Variants in PRKACA observed in about 807,000 individuals in gnomAD.
PRKACA encodes protein kinase cAMP-activated catalytic subunit alpha.
PRKACA carries 9 observed loss-of-function variants against 45.8 expected under a neutral mutation model. The ratio of observed to expected loss-of-function variants is 0.20; its 90% CI spans 0.12 to 0.34. The LOEUF (loss-of-function observed/expected upper bound fraction) is 0.34. Ranked by LOEUF, PRKACA falls within the 10% of genes least tolerant of loss-of-function variation. The probability of loss-of-function intolerance (pLI) is 1.00; values close to 1 mark genes in which losing one functional copy is unlikely to be tolerated. For missense variants in PRKACA, 238 were observed against 458.6 expected (o/e 0.52, Z 4.39); for synonymous variants, 160 against 178.6 (o/e 0.90, Z 0.83).
chr19:14,116,516 CTT>C (rs1967108667), intron 1 of PRKACA, among the ~76,000 whole-genome samples: 1 of 152,116 alleles, frequency 6.6e-6, no homozygotes, highest in African/African-American at 2.4e-5. Flanking sequence ...AACCCAGACA[CTT>C]TTCATCCCAA....
intron 8 of PRKACA, among the ~76,000 whole-genome samples, chr19:14,095,827 C>G (rs1262060830): frequency 2.0e-5 from 3 of 151,006 alleles, no homozygotes; most frequent in Non-Finnish European, 4.4e-5. Flanking sequence ...TCATCTTTCT[C>G]TTTTAGTGAT....
chr19:14,115,737 C>A (rs1967092091), intron 1 of PRKACA, among the ~76,000 whole-genome samples: 1 of 152,142 alleles, frequency 6.6e-6, no homozygotes, highest in African/African-American at 2.4e-5. Context: ...CACCCCCCAC[C>A]ACATGTGTCT....
At chr19:14,104,520 C>T (rs1977546159) in intron 3 of PRKACA, among the ~76,000 whole-genome samples, 1 of 151,040 alleles carries the variant, frequency 6.6e-6, no homozygotes, top group Non-Finnish European at 1.5e-5. Flanking sequence ...CACGGTGAAA[C>T]CCCATCTCTA....
In PRKACA at chr19:14,097,700, G is replaced by A. The variant is rs745444466; in HGVS notation, c.547-26C>T. 2.1e-5 allele frequency: 34 copies of A among 1,611,756 alleles called. No homozygotes were observed. Among genetic ancestry groups the A allele is most frequent in the Non-Finnish European group, 2.8e-5 (33 of 1,178,296 alleles). On this transcript the variant is annotated intron_variant, in intron 6 of 9. Transcript: ENST00000308677. The surrounding 1 kb of genome is among the most constrained non-coding windows in gnomAD (Gnocchi z 5.4). ...CTGTGGGCACAAGAACAGGCAGTTG[G>A]CAGGGAGGAAGGGTCCAGGCCACGG...
rs984022187 is a variant in PRKACA at position 14,097,174 on chromosome 19, G to A, written c.765+187C>T. The A allele has an allele frequency of 1.4e-5, 12 of 860,106 alleles. No individual in the cohort carries two copies. The African/African-American group carries it at 2.0e-4, about 14-fold the overall frequency. The allele number at this position is 860,106 out of a possible 1,614,324, so 53.3% of individuals were successfully genotyped here. On this transcript the variant is annotated intron_variant, in intron 8 of 9. Transcript: ENST00000308677. This position sits in a 1 kb window ranked among gnomAD's most constrained non-coding sequence, Gnocchi z 5.4. The stretch of plus-strand genomic sequence containing the variant: ...TGGGATTCTGGAACCGCGGGGTTGG[G>A]GCTGGACAGCAAGGGGGCTTGAGGT...
In PRKACA at chr19:14,093,055, C is replaced by T; in HGVS notation, c.*57G>A. Reference sequence around the variant, plus strand: ...CTGTTCAATCCAACCCTCCCACCCCCCCGACCAAAAAAAAGAAAAAAGAAA... The same window carrying T: ...CTGTTCAATCCAACCCTCCCACCCCTCCGACCAAAAAAAAGAAAAAAGAAA... On this transcript the variant is annotated 3_prime_UTR_variant, in exon 10 of 10. Transcript: ENST00000308677. 1 of 1,311,682 alleles carries T rather than the reference C, an allele frequency of 7.6e-7. No homozygotes were observed. The highest frequency in any genetic ancestry group is 1.0e-6 in the Non-Finnish European group (1 of 1,001,974). 81.3% of individuals were successfully genotyped at this position (1,311,682 alleles called of 1,614,324 possible).
At chr19:14,107,199 G>A in intron 2 of PRKACA, 149 bp downstream of exon 2, 1 of 890,634 alleles carries the variant, frequency 1.1e-6, no homozygotes, top group Non-Finnish European at 1.8e-6. Flanking sequence ...TCTCCACACA[G>A]GAGCCCCCAT....
In PRKACA at chr19:14,098,577, C is replaced by A. The variant is rs546173391; in HGVS notation, c.420-687G>T. ...ATGGCATAATCTCGGCTCACTGCAA[C>A]CTTTGCCTCCTGGAAACAAGTGATT... On this transcript the variant is annotated intron_variant, in intron 5 of 9. Coordinates refer to ENST00000308677, the MANE Select transcript of PRKACA (RefSeq NM_002730.4). 5.3e-5 allele frequency: 8 copies of A among 151,542 alleles called. 1 individual carries two copies. Among genetic ancestry groups the A allele is most frequent in the African/African-American group, 1.9e-4 (8 of 41,298 alleles). The allele number at this position is 151,542 out of a possible 1,614,324, so 9.4% of individuals were successfully genotyped here.
chr19:14,115,716 G>A (rs935125316), intron 1 of PRKACA, among the ~76,000 whole-genome samples: 1 of 152,078 alleles, frequency 6.6e-6, no homozygotes, highest in African/African-American at 2.4e-5. Context: ...CCTTTTTCTT[G>A]TGTGGCTTTC....
intron 1 of PRKACA, among the ~76,000 whole-genome samples, chr19:14,108,727 T>A (rs1400947058): frequency 7.0e-6 from 1 of 143,706 alleles, no homozygotes; most frequent in Non-Finnish European, 1.5e-5. Context: ...TTTTTTTAAT[T>A]ATTATTATTT....
chr19:14,093,585 C>T (rs768993225), intron 9 of PRKACA, 43 bp downstream of exon 9: 152 of 1,589,256 alleles, frequency 9.6e-5, no homozygotes, highest in Non-Finnish European at 3.7e-5. Context: ...TGACTCTTGG[C>T]CTGCTCCCAA....
At chr19:14,093,476 C>T in intron 9 of PRKACA, 152 bp downstream of exon 9, 1 of 1,143,050 alleles carries the variant, frequency 8.7e-7, no homozygotes, top group Non-Finnish European at 1.2e-6. Context: ...CCAAATGACC[C>T]CAGAATCCCA....
At chr19:14,093,577 A>C (rs960559736) in intron 9 of PRKACA, 51 bp downstream of exon 9, 1 of 1,570,254 alleles carries the variant, frequency 6.4e-7, no homozygotes, top group Non-Finnish European at 8.7e-7. Flanking sequence ...GTCCTCCCTG[A>C]CTCTTGGCCT....
Position 14,093,543 on chromosome 19 carries a change from C to T in PRKACA, c.930+85G>A, listed in dbSNP as rs544652283. ...TCTAGGTTGCTCCTGAACCTGTGTT[C>T]TCTTCTCTATTTCTCTATTGGCTGT... On this transcript the variant is annotated intron_variant, in intron 9 of 9. Transcript: ENST00000308677. The T allele has an allele frequency of 3.3e-6, 5 of 1,493,884 alleles. No individual in the cohort carries two copies. In the South Asian group the frequency reaches 5.2e-5, roughly 16 times the overall value. 92.5% of individuals were successfully genotyped at this position (1,493,884 alleles called of 1,614,324 possible).
chr19:14,098,764 G>A (rs1384617289), intron 5 of PRKACA, among the ~76,000 whole-genome samples: 2 of 148,274 alleles, frequency 1.3e-5, no homozygotes, highest in Non-Finnish European at 3.0e-5. Flanking sequence ...AAAGTGCTGG[G>A]ATTACAGGCG....
intron 2 of PRKACA, 58 bp downstream of exon 2, chr19:14,107,290 C>T: frequency 1.3e-6 from 2 of 1,529,294 alleles, no homozygotes; most frequent in South Asian, 1.1e-5. Context: ...TGGGACACAG[C>T]CAGGGGCTGG....
At chr19:14,095,044 A>C (rs1359684402) in intron 8 of PRKACA, among the ~76,000 whole-genome samples, 3 of 152,238 alleles carry the variant, frequency 2.0e-5, no homozygotes, top group African/African-American at 7.2e-5. Flanking sequence ...GAGGGAGATA[A>C]TACCACTGAC....
intron 1 of PRKACA, among the ~76,000 whole-genome samples, chr19:14,109,469 G>C (rs1434964249): frequency 6.6e-6 from 1 of 151,220 alleles, no homozygotes; most frequent in Non-Finnish European, 1.5e-5. Context: ...AAAAAAATTA[G>C]CCAGGCGTGG....
intron 1 of PRKACA, chr19:14,115,023 A>G: frequency 1.0e-6 from 1 of 964,650 alleles, no homozygotes; most frequent in Non-Finnish European, 1.2e-6. Flanking sequence ...CTAAGAGGGC[A>G]AATTTTGTCT....
Sources: allele counts gnomAD v4.1 joint callset (sites outside exome capture counted in the v4.1 genomes callset), GRCh38; gene constraint gnomAD v4.1.1; non-coding constraint Gnocchi (gnomAD v3.1); transcripts MANE v1.5; gene names NCBI Gene and HGNC (gene_info 2026-07-23, HGNC 2026-07-21).